Variants in COL5A1 observed in about 807,000 individuals in gnomAD.
COL5A1 encodes the protein collagen alpha-1(V) chain.
Under a neutral mutation model 263.7 loss-of-function variants are expected in COL5A1, and 16 were observed. The observed-to-expected ratio is 0.06, with a 90% confidence interval of 0.04 to 0.09. COL5A1 has a LOEUF of 0.09. COL5A1 is among the 10% of genes least tolerant of loss of function. COL5A1 has a pLI of 1.00. For synonymous variants in COL5A1, 1,012 were observed against 1,004.5 expected (o/e 1.01, Z -0.14); for missense variants, 2,036 against 2,540.5 (o/e 0.80, Z 4.27).
chr9:134,659,930 G>A (rs1402878359), intron 1 of COL5A1, among the ~76,000 whole-genome samples: 1 of 152,208 alleles, frequency 6.6e-6, no homozygotes. Flanking sequence ...GGTAGGTGCT[G>A]CCTGTTTAGT....
At chr9:134,814,252 A>G (rs1838653823) in intron 49 of COL5A1, among the ~76,000 whole-genome samples, 1 of 152,204 alleles carries the variant, frequency 6.6e-6, no homozygotes, top group Non-Finnish European at 1.5e-5. Context: ...ACCTGTGCCC[A>G]GTGGCCTGCA....
intron 42 of COL5A1, among the ~76,000 whole-genome samples, chr9:134,807,598 CTG>C (rs1278375616): frequency 2.6e-5 from 4 of 152,220 alleles, no homozygotes; most frequent in African/African-American, 7.2e-5. Flanking sequence ...CAGCCAGAAA[CTG>C]TGATTTTCTT....
intron 62 of COL5A1, among the ~76,000 whole-genome samples, chr9:134,825,388 TG>T (rs756491855): frequency 6.6e-6 from 1 of 152,196 alleles, no homozygotes; most frequent in Non-Finnish European, 1.5e-5. Flanking sequence ...TTCTTCCCCC[TG>T]GGAAGTTTGA....
intron 1 of COL5A1, among the ~76,000 whole-genome samples, chr9:134,688,575 G>A (rs921026624): frequency 1.4e-4 from 22 of 152,206 alleles, no homozygotes; most frequent in Admixed American, 1.4e-3. Flanking sequence ...ATGCCCGAGG[G>A]GGTGACAGAG....
In COL5A1 at chr9:134,822,149, C is replaced by T. The variant is rs761837954; in HGVS notation, c.4607C>T (p.Pro1536Leu). The change falls in exon 59 of 66, where the codon CCG becomes CTG. Residue 1536 changes from proline to leucine, a missense_variant and splice_region_variant. Transcript: ENST00000371817. ...PIGPPGPPGLPGPPGPKGAKG... is the reference protein window; with the variant it reads ...PIGPPGPPGLLGPPGPKGAKG... ...GGGCCTCCTGGGCCCCCTGGCCTGC[C>T]GGTGTGTATCTGGGAGGGGCTTGGT... 3.3e-5 allele frequency: 46 copies of T among 1,399,896 alleles called. No individual in the cohort carries two copies. Among genetic ancestry groups the T allele is most frequent in the Middle Eastern group, 2.0e-4 (1 of 5,118 alleles). The allele number at this position is 1,399,896 out of a possible 1,614,324, so 86.7% of individuals were successfully genotyped here. A position where few individuals can be genotyped will look rare whatever the true frequency, so the allele number is the denominator to read the frequency against.
intron 34 of COL5A1, 79 bp downstream of exon 34, chr9:134,795,394 G>A (rs1439754063): frequency 4.7e-5 from 56 of 1,185,204 alleles, no homozygotes; most frequent in Non-Finnish European, 5.7e-5. Flanking sequence ...GTCTGAGGGT[G>A]TCTGTGACCT....
rs1250177357 is a variant in COL5A1, at chr9:134,754,182, G to A, written c.1774-91G>A. ...TTTGTGGCTTGGACAGCCAGGCATG[G>A]GCAGGGTCGATGAGCACAGGGACAA... On this transcript the variant is annotated intron_variant, in intron 15 of 65. Coordinates refer to ENST00000371817, the MANE Select transcript of COL5A1 (RefSeq NM_000093.5). The surrounding 1 kb of genome is among the most constrained non-coding windows in gnomAD (Gnocchi z 4.3). 2 of 1,390,376 alleles carry A rather than the reference G, an allele frequency of 1.4e-6. No homozygotes were observed. Among genetic ancestry groups the A allele is most frequent in the Non-Finnish European group, 2.0e-6 (2 of 990,390 alleles). 86.1% of individuals were successfully genotyped at this position (1,390,376 alleles called of 1,614,324 possible).
At chr9:134,673,143 TA>T (rs1832588171) in intron 1 of COL5A1, among the ~76,000 whole-genome samples, 1 of 152,206 alleles carries the variant, frequency 6.6e-6, no homozygotes, top group Admixed American at 6.5e-5. Context: ...GCAGGCTTTT[TA>T]AAAATAGAGA....
rs540904815 is a variant in COL5A1 at position 134,844,697 on chromosome 9, G to T, written c.*2394G>T. The T allele has an allele frequency of 6.6e-6, 1 of 152,154 alleles. No homozygotes were observed. Among genetic ancestry groups the T allele is most frequent in the African/African-American group, 2.4e-5 (1 of 41,446 alleles). The allele number at this position is 152,154 out of a possible 1,614,324, so 9.4% of individuals were successfully genotyped here. A position where few individuals can be genotyped will look rare whatever the true frequency, so the allele number is the denominator to read the frequency against. Reference sequence around the variant, plus strand: ...TACAATGTCAAATGACACATTGTACGGTTTCAAAAAATCCGCTAGACATGT... The same window carrying T: ...TACAATGTCAAATGACACATTGTACTGTTTCAAAAAATCCGCTAGACATGT... On this transcript the variant is annotated 3_prime_UTR_variant, in exon 66 of 66. Coordinates refer to ENST00000371817, the MANE Select transcript of COL5A1 (RefSeq NM_000093.5).
At position 134,829,891 on chromosome 9, in the gene COL5A1, A is replaced by G. The variant is rs112132700; in HGVS notation, c.5068-85A>G. ...GAGGATGCAGGCGCGGGGGCCGGGA[A>G]AGCCTGGGGCCTTGCTCTGGAGGCC... On this transcript the variant is annotated intron_variant, in intron 63 of 65. Coordinates refer to ENST00000371817, the MANE Select transcript of COL5A1 (RefSeq NM_000093.5). 3,211 of 1,457,884 alleles carry G rather than the reference A, an allele frequency of 2.2e-3. 54 individuals are homozygous for G. The African/African-American group carries it at 0.036, about 16-fold the overall frequency. The allele number at this position is 1,457,884 out of a possible 1,614,324, so 90.3% of individuals were successfully genotyped here.
At chr9:134,712,055 T>G (rs1183448989) in intron 4 of COL5A1, among the ~76,000 whole-genome samples, 9 of 13,876 alleles carry the variant, frequency 6.5e-4, no homozygotes, top group African/African-American at 2.0e-3. Flanking sequence ...CCTTCTTCCT[T>G]CCTCCCTCCT....
chr9:134,776,727 A>G (rs1837067289), intron 27 of COL5A1, among the ~76,000 whole-genome samples: 1 of 152,346 alleles, frequency 6.6e-6, no homozygotes, highest in South Asian at 2.1e-4. Flanking sequence ...TGGGGCTGCT[A>G]TAACCAAAAG....
chr9:134,646,415 G>C (rs1157784939), intron 1 of COL5A1, among the ~76,000 whole-genome samples: 2 of 152,012 alleles, frequency 1.3e-5, no homozygotes, highest in Non-Finnish European at 2.9e-5. Flanking sequence ...TCCTTCGTGG[G>C]GTCCTCCTCC....
chr9:134,756,787 C>A lies in COL5A1; in HGVS notation c.1850C>A (p.Ala617Asp). The A allele has an allele frequency of 6.2e-7, 1 of 1,613,984 alleles. No homozygotes were observed. The highest frequency in any genetic ancestry group is 8.5e-7 in the Non-Finnish European group (1 of 1,180,014). Residue 617 changes from alanine to aspartate, a missense_variant, in exon 17 of 66, where the codon GCC becomes GAC. This residue lies in a region of COL5A1 where 1,078 missense variants were observed against 1,521.4 expected (regional missense o/e 0.71). Coordinates refer to ENST00000371817, the MANE Select transcript of COL5A1 (RefSeq NM_000093.5). The part of the protein sequence containing the change: ...GRRGRAGSDG[A>D]RGMPGQTGPK... ...CAGGGTCGGGCTGGGAGTGATGGAG[C>A]CAGAGGAATGCCTGGACAAACTGGC...
chr9:134,723,169 G>T (rs933240305), intron 4 of COL5A1, among the ~76,000 whole-genome samples: 7 of 152,174 alleles, frequency 4.6e-5, no homozygotes, highest in African/African-American at 1.2e-4. Flanking sequence ...CAGGGAACAG[G>T]TGCAAGCTCA....
intron 63 of COL5A1, 29 bp from the exon 64 acceptor site, chr9:134,829,947 C>G: frequency 6.2e-7 from 1 of 1,606,324 alleles, no homozygotes; most frequent in Non-Finnish European, 8.5e-7. Flanking sequence ...CTGTTTCTCT[C>G]CCTCCCCACC....
chr9:134,644,866 G>T (rs1053080673), intron 1 of COL5A1, among the ~76,000 whole-genome samples: 1 of 152,172 alleles, frequency 6.6e-6, no homozygotes, highest in African/African-American at 2.4e-5. Context: ...GCAATAATTT[G>T]TGGGGAGAGT....
chr9:134,738,829 C>A (rs1372029424), intron 11 of COL5A1, 21 bp downstream of exon 11: 1 of 1,604,718 alleles, frequency 6.2e-7, no homozygotes, highest in African/African-American at 1.3e-5. Flanking sequence ...GACTGTGTTT[C>A]CTGAGATCAC....
intron 48 of COL5A1, 72 bp downstream of exon 48, chr9:134,812,784 G>GTC: frequency 9.4e-7 from 1 of 1,068,366 alleles, no homozygotes; most frequent in Non-Finnish European, 1.4e-6. Flanking sequence ...CTGTGTGTGT[G>GTC]TGTCTGTGTG....
Sources: gnomAD v4.1 joint callset for allele counts (sites outside exome capture counted in the v4.1 genomes callset) on GRCh38, gnomAD v4.1.1 for gene constraint, gnomAD v4.1.1 regional missense constraint, Gnocchi (gnomAD v3.1) non-coding constraint, MANE v1.5 for transcripts, NCBI Gene and HGNC (gene_info 2026-07-23, HGNC 2026-07-21) for gene names.